The following NCK1 variants were observed in gnomAD, a reference collection of about 807,000 sequenced individuals.
The protein encoded by NCK1 is NCK adaptor protein 1.
Under a neutral mutation model 36.6 loss-of-function variants are expected in NCK1, and 19 were observed. The observed-to-expected ratio is 0.52, with a 90% CI of 0.36 to 0.76. The LOEUF (loss-of-function observed/expected upper bound fraction) is 0.76, where lower values mean the gene tolerates loss of function less well. Ranked by LOEUF, NCK1 falls within the 30% of genes least tolerant of loss-of-function variation. The pLI is 0.00. For synonymous variants in NCK1, 165 were observed against 156.0 expected, an observed-to-expected ratio of 1.06 and a Z score of -0.43; for missense variants, 358 against 445.6, an observed-to-expected ratio of 0.80 and a Z score of 1.77.
At chr3:136,936,669 C>T (rs1394383727) in intron 2 of NCK1, among the ~76,000 whole-genome samples, 2 of 152,070 alleles carry the variant, frequency 1.3e-5, no homozygotes, top group East Asian at 3.9e-4. Context: ...TTGCTTATAT[C>T]CATTGTAGTT....
intron 1 of NCK1, among the ~76,000 whole-genome samples, chr3:136,890,144 C>T (rs1285720086): frequency 4.6e-5 from 7 of 152,170 alleles, no homozygotes; most frequent in Admixed American, 2.0e-4. Context: ...CCCTGCCCCA[C>T]GGGGAGGCAG....
intron 2 of NCK1, among the ~76,000 whole-genome samples, chr3:136,944,138 G>A (rs1378637516): frequency 2.6e-5 from 1 of 38,830 alleles, no homozygotes; most frequent in Admixed American, 2.2e-4. Context: ...TTTTTTTTTT[G>A]AGACAGAGTC....
At chr3:136,901,103 G>A (rs1939529418) in intron 1 of NCK1, among the ~76,000 whole-genome samples, 1 of 152,120 alleles carries the variant, frequency 6.6e-6, no homozygotes, top group African/African-American at 2.4e-5. Context: ...TTTGTTAAGA[G>A]TTTTTATCAC....
At chr3:136,867,664 C>G (rs9878464) in intron 1 of NCK1, 101,950 of 151,806 alleles carry the variant, frequency 0.67, 34,620 homozygotes, top group East Asian at 0.87. Context: ...GGAATCCAAC[C>G]TTGTGTTTTA....
At chr3:136,902,045 T>G (rs1286957033) in intron 1 of NCK1, among the ~76,000 whole-genome samples, 2 of 152,136 alleles carry the variant, frequency 1.3e-5, no homozygotes, top group East Asian at 3.9e-4. Flanking sequence ...ATTTTCGGTA[T>G]GTTGTATTAG....
intron 1 of NCK1, among the ~76,000 whole-genome samples, chr3:136,866,941 T>G (rs1468086087): frequency 6.6e-6 from 1 of 152,118 alleles, no homozygotes; most frequent in Non-Finnish European, 1.5e-5. Flanking sequence ...AATTTTTTTT[T>G]TCTCCTAAAT....
At chr3:136,906,108 TTGTGG>T (rs1243132343) in intron 1 of NCK1, among the ~76,000 whole-genome samples, 4 of 152,134 alleles carry the variant, frequency 2.6e-5, no homozygotes, top group African/African-American at 9.7e-5. Context: ...GAAGATGTAT[TTGTGG>T]TGTTGGTTGA....
intron 1 of NCK1, among the ~76,000 whole-genome samples, chr3:136,927,226 C>T (rs4594566): frequency 0.68 from 103,707 of 152,064 alleles, 35,655 homozygotes; most frequent in East Asian, 0.87. Flanking sequence ...CCAGCCTCGG[C>T]CTCCCGAAGT....
intron 1 of NCK1, among the ~76,000 whole-genome samples, chr3:136,866,537 CT>C (rs1440836461): frequency 7.0e-6 from 1 of 142,376 alleles, no homozygotes; most frequent in Non-Finnish European, 1.6e-5. Flanking sequence ...AAACTCCTCA[CT>C]TCAGGTGATC....
chr3:136,875,493 G>T (rs1448247225), intron 1 of NCK1, among the ~76,000 whole-genome samples: 5 of 152,164 alleles, frequency 3.3e-5, no homozygotes, highest in Non-Finnish European at 7.3e-5. Context: ...AAAAGGCAGG[G>T]ATTGCAATCC....
At chr3:136,935,049 G>A (rs1940493974) in intron 2 of NCK1, among the ~76,000 whole-genome samples, 1 of 152,104 alleles carries the variant, frequency 6.6e-6, no homozygotes, top group South Asian at 2.1e-4. Context: ...TTACAGGTGT[G>A]CGCCACCATG....
In NCK1 at chr3:136,874,290, C is replaced by G. The variant is rs183723166; in HGVS notation, c.-19+11937C>G. On this transcript the variant is annotated intron_variant, in intron 1 of 3. Coordinates refer to ENST00000481752, the MANE Select transcript of NCK1 (RefSeq NM_001291999.2). ...TCCCAGGTTCAAGTGATTGTCCTGCCTCAGCCTCCCAAGTAGGTGAGATTA... is the reference window on the plus strand; with the variant it reads ...TCCCAGGTTCAAGTGATTGTCCTGCGTCAGCCTCCCAAGTAGGTGAGATTA... Among the ~76,000 whole-genome samples, 208 of 152,324 alleles carry G rather than the reference C, an allele frequency of 1.4e-3. 1 individual carries two copies. The highest frequency in any genetic ancestry group is 4.9e-3 in the African/African-American group (203 of 41,570).
At chr3:136,928,393 T>G in intron 2 of NCK1, 166 bp downstream of exon 2, 1 of 643,042 alleles carries the variant, frequency 1.6e-6, no homozygotes, top group Non-Finnish European at 2.7e-6. Context: ...GTGAAGGTCA[T>G]AAGTGTTAAC....
intron 1 of NCK1, among the ~76,000 whole-genome samples, chr3:136,867,180 C>CCTTCCTTCCTTCCT (rs1491006794): frequency 5.9e-5 from 1 of 16,976 alleles, no homozygotes; most frequent in African/African-American, 1.6e-4. Context: ...TTCCTTCCTT[C>CCTTCCTTCCTTCCT]TTTCTTTCTT....
At chr3:136,939,813 G>A (rs571410534) in intron 2 of NCK1, among the ~76,000 whole-genome samples, 8 of 138,380 alleles carry the variant, frequency 5.8e-5, no homozygotes, top group African/African-American at 2.1e-4. Flanking sequence ...TACTTTGTAT[G>A]ACTTCAATCT....
intron 1 of NCK1, chr3:136,900,161 T>C: frequency 3.4e-6 from 1 of 294,684 alleles, no homozygotes; most frequent in Non-Finnish European, 6.5e-6. Flanking sequence ...AAACCAGACA[T>C]TGGCGCTCTC....
At chr3:136,864,117 T>G (rs796866284) in intron 1 of NCK1, among the ~76,000 whole-genome samples, 4 of 149,948 alleles carry the variant, frequency 2.7e-5, no homozygotes, top group African/African-American at 9.8e-5. Flanking sequence ...ATAAATAAAA[T>G]GTGTATTTAT....
At chr3:136,911,028 G>A (rs756143637) in intron 1 of NCK1, among the ~76,000 whole-genome samples, 2 of 151,912 alleles carry the variant, frequency 1.3e-5, no homozygotes, top group African/African-American at 2.4e-5. Flanking sequence ...TTTCTGTGCC[G>A]GCTTATTTAA....
chr3:136,878,225 A>G (rs1389843608), intron 1 of NCK1, among the ~76,000 whole-genome samples: 1 of 152,256 alleles, frequency 6.6e-6, no homozygotes, highest in East Asian at 1.9e-4. Flanking sequence ...CCTGGCCAAC[A>G]TGGTGAAACC....
Sources: allele counts gnomAD v4.1 joint callset (sites outside exome capture counted in the v4.1 genomes callset), GRCh38; gene constraint gnomAD v4.1.1; transcripts MANE v1.5; gene names NCBI Gene and HGNC (gene_info 2026-07-23, HGNC 2026-07-21).